The following PTGFRN variants were observed in gnomAD, a reference collection of about 807,000 sequenced individuals.
PTGFRN encodes prostaglandin F2 receptor inhibitor.
Under a neutral mutation model 83.2 loss-of-function variants are expected in PTGFRN, and 35 were observed. The ratio of observed to expected loss-of-function variants is 0.42; its 90% CI spans 0.32 to 0.56. PTGFRN has a LOEUF of 0.56. Ranked by LOEUF, PTGFRN falls within the 20% of genes least tolerant of loss-of-function variation. The probability of loss-of-function intolerance (pLI) is 0.11; values close to 1 mark genes in which losing one functional copy is unlikely to be tolerated. For synonymous variants in PTGFRN, 519 were observed against 498.6 expected (o/e 1.04, Z -0.55); for missense variants, 1,051 against 1,179.5 (o/e 0.89, Z 1.60).
chr1:116,933,736 A>C (rs1239359537), intron 1 of PTGFRN, among the ~76,000 whole-genome samples: 4 of 152,084 alleles, frequency 2.6e-5, no homozygotes, highest in African/African-American at 4.8e-5. Context: ...ACTTCCTTTC[A>C]TCACTTTAAA....
intron 2 of PTGFRN, 126 bp downstream of exon 2, chr1:116,942,209 A>C (rs1650081262): frequency 1.1e-5 from 14 of 1,277,474 alleles, no homozygotes; most frequent in African/African-American, 1.5e-5. Flanking sequence ...CAGGGGAATA[A>C]TCATGTCTTA....
At chr1:116,964,810 C>T (rs1650778862) in intron 5 of PTGFRN, among the ~76,000 whole-genome samples, 1 of 152,266 alleles carries the variant, frequency 6.6e-6, no homozygotes, top group Non-Finnish European at 1.5e-5. Context: ...AAACCTTCAT[C>T]CTTGACTGCT....
chr1:116,960,228 T>A (rs1283154325), intron 4 of PTGFRN, among the ~76,000 whole-genome samples: 1 of 152,146 alleles, frequency 6.6e-6, no homozygotes, highest in Non-Finnish European at 1.5e-5. Context: ...AAGTTTGTAG[T>A]GCATCTCACA....
intron 7 of PTGFRN, 113 bp downstream of exon 7, chr1:116,974,436 C>G: frequency 1.3e-6 from 1 of 793,128 alleles, no homozygotes; most frequent in Non-Finnish European, 2.1e-6. Flanking sequence ...CTATTTATCC[C>G]CTAACTGCCT....
At chr1:116,969,013 T>C (rs993554155) in intron 6 of PTGFRN, among the ~76,000 whole-genome samples, 1 of 152,180 alleles carries the variant, frequency 6.6e-6, no homozygotes, top group Non-Finnish European at 1.5e-5. Context: ...GCCGTAAACA[T>C]TATTATTTGA....
At chr1:116,985,432 C>T (rs1651435947) in intron 8 of PTGFRN, among the ~76,000 whole-genome samples, 2 of 152,240 alleles carry the variant, frequency 1.3e-5, no homozygotes, top group South Asian at 4.2e-4. Context: ...GGCACAGTGG[C>T]TCACGCCTGT....
intron 7 of PTGFRN, among the ~76,000 whole-genome samples, chr1:116,977,362 C>T (rs1557749523): frequency 6.6e-6 from 1 of 152,158 alleles, no homozygotes; most frequent in Non-Finnish European, 1.5e-5. Flanking sequence ...CAGCTCTGCA[C>T]CAAGTGGACC....
At chr1:116,921,488 A>G (rs904079503) in intron 1 of PTGFRN, among the ~76,000 whole-genome samples, 1 of 152,262 alleles carries the variant, frequency 6.6e-6, no homozygotes, top group African/African-American at 2.4e-5. Context: ...TTAAGACCAT[A>G]GTGTGTAACT....
intron 6 of PTGFRN, among the ~76,000 whole-genome samples, chr1:116,972,871 C>T (rs1346943121): frequency 1.3e-5 from 2 of 152,200 alleles, no homozygotes; most frequent in Non-Finnish European, 2.9e-5. Context: ...CTGCCTGCAG[C>T]GTTTTCAGGG....
chr1:116,974,987 G>A (rs1243606537), intron 7 of PTGFRN, among the ~76,000 whole-genome samples: 2 of 152,202 alleles, frequency 1.3e-5, no homozygotes, highest in Admixed American at 1.3e-4. Flanking sequence ...AAGGGAAGCT[G>A]TGACAGACAG....
chr1:116,915,155 G>A (rs747745821), intron 1 of PTGFRN, among the ~76,000 whole-genome samples: 10 of 152,230 alleles, frequency 6.6e-5, no homozygotes, highest in African/African-American at 1.7e-4. Flanking sequence ...TAAACCTTAT[G>A]CTGCGTATTG....
At chr1:116,933,309 C>G (rs1215221765) in intron 1 of PTGFRN, among the ~76,000 whole-genome samples, 1 of 151,632 alleles carries the variant, frequency 6.6e-6, no homozygotes, top group African/African-American at 2.4e-5. Context: ...GAACACGTAT[C>G]AGTGATCTGT....
chr1:116,977,565 A>G (rs932255737), intron 7 of PTGFRN, among the ~76,000 whole-genome samples: 7 of 152,204 alleles, frequency 4.6e-5, no homozygotes, highest in African/African-American at 1.7e-4. Flanking sequence ...AGGTTAAGAA[A>G]CTCACTCAAA....
intron 8 of PTGFRN, among the ~76,000 whole-genome samples, chr1:116,985,528 C>A (rs530436762): frequency 1.3e-5 from 2 of 152,094 alleles, no homozygotes; most frequent in Non-Finnish European, 2.9e-5. Flanking sequence ...GAAACCCCGT[C>A]TCTACTAAAA....
At chr1:116,925,638 T>C (rs1250376340) in intron 1 of PTGFRN, among the ~76,000 whole-genome samples, 3 of 152,176 alleles carry the variant, frequency 2.0e-5, no homozygotes, top group African/African-American at 7.2e-5. Context: ...TTGTCTGTTT[T>C]TTCCTGATTC....
chr1:116,949,036 T>C (rs958530917), intron 3 of PTGFRN, among the ~76,000 whole-genome samples, 156 bp from the exon 4 acceptor site: 2 of 152,260 alleles, frequency 1.3e-5, no homozygotes, highest in Admixed American at 6.5e-5. Flanking sequence ...TGTTAATTTA[T>C]TCATTAAATA....
chr1:116,939,125 G>A (rs1056459463), intron 1 of PTGFRN, among the ~76,000 whole-genome samples: 6 of 152,208 alleles, frequency 3.9e-5, no homozygotes, highest in East Asian at 1.9e-4. Flanking sequence ...CCAGGTGAAC[G>A]GTGCAAGCTG....
At chr1:116,922,709 G>A (rs34171147) in intron 1 of PTGFRN, among the ~76,000 whole-genome samples, 2,678 of 152,268 alleles carry the variant, frequency 0.018, 39 homozygotes, top group Middle Eastern at 0.037. Context: ...CAGTGATGAG[G>A]CAAGCTCTGC....
chr1:116,974,405 G>A, intron 7 of PTGFRN, 82 bp downstream of exon 7: 1 of 1,079,050 alleles, frequency 9.3e-7, no homozygotes, highest in Non-Finnish European at 1.4e-6. Flanking sequence ...TTACACAGAT[G>A]TGGGTTAGGG....
Sources: allele counts gnomAD v4.1 joint callset (sites outside exome capture counted in the v4.1 genomes callset), GRCh38; gene constraint gnomAD v4.1.1; transcripts MANE v1.5; gene names NCBI Gene and HGNC (gene_info 2026-07-23, HGNC 2026-07-21).